The following COL22A1 variants were observed in gnomAD, a reference collection of about 807,000 sequenced individuals.
COL22A1 encodes collagen alpha-1(XXII) chain.
A neutral mutation model predicts 248.9 loss-of-function variants in COL22A1; 221 were observed. The ratio of observed to expected loss-of-function variants is 0.89; its 90% CI spans 0.80 to 0.99. The LOEUF (loss-of-function observed/expected upper bound fraction) is 0.99. Ranked by LOEUF, COL22A1 falls within the 50% of genes least tolerant of loss-of-function variation. COL22A1 has a pLI of 0.00. For missense variants in COL22A1, 2,240 were observed against 2,179.0 expected (o/e 1.03, Z -0.56); for synonymous variants, 891 against 793.4 (o/e 1.12, Z -2.07).
chr8:138,594,407 T>G (rs1303526511), intron 62 of COL22A1, among the ~76,000 whole-genome samples: 1 of 152,178 alleles, frequency 6.6e-6, no homozygotes, highest in Non-Finnish European at 1.5e-5. Flanking sequence ...ATGACACATG[T>G]GCAGCATTTG....
chr8:138,626,349 G>A, intron 50 of COL22A1, 106 bp from the exon 51 acceptor site: 2 of 914,626 alleles, frequency 2.2e-6, no homozygotes, highest in Admixed American at 4.2e-5. Flanking sequence ...GTGAGTGTTT[G>A]GTGAGAAACA....
At chr8:138,752,010 G>T (rs1832644713) in intron 21 of COL22A1, among the ~76,000 whole-genome samples, 1 of 152,156 alleles carries the variant, frequency 6.6e-6, no homozygotes, top group Non-Finnish European at 1.5e-5. Context: ...CGCAGGGAGG[G>T]GTCATACTGA....
intron 39 of COL22A1, 141 bp downstream of exon 39, chr8:138,684,284 A>T: frequency 1.4e-6 from 1 of 735,102 alleles, no homozygotes. Flanking sequence ...AAGTCCTAGA[A>T]CCTTTAGTCA....
At chr8:138,701,791 G>A (rs1445426052) in intron 31 of COL22A1, among the ~76,000 whole-genome samples, 1 of 152,234 alleles carries the variant, frequency 6.6e-6, no homozygotes, top group Non-Finnish European at 1.5e-5. Context: ...CGTCCACATA[G>A]GTGGCCTGGG....
intron 9 of COL22A1, among the ~76,000 whole-genome samples, chr8:138,810,994 C>G (rs966898398): frequency 2.6e-4 from 40 of 152,332 alleles, no homozygotes; most frequent in African/African-American, 9.6e-5. Context: ...GGGCCATTGG[C>G]TCAGCAGAAC....
intron 32 of COL22A1, among the ~76,000 whole-genome samples, chr8:138,696,504 T>C (rs902573474): frequency 2.2e-4 from 33 of 152,346 alleles, no homozygotes; most frequent in African/African-American, 7.9e-4. Context: ...AGACACTATC[T>C]ACTAAGGGTT....
At position 138,713,419 on chromosome 8, in the gene COL22A1, C is replaced by T. The variant is rs148122187; in HGVS notation, c.2517+2263G>A. Among the ~76,000 whole-genome samples, 249 of 152,252 alleles carry T rather than the reference C, an allele frequency of 1.6e-3. 2 individuals are homozygous for T. In the East Asian group the frequency reaches 0.025, roughly 15 times the overall value. ...TTATGAAGATCACCAGAGTGAGCAACGGAAAACTCAAGAAATTGCAACTTG... is the reference window on the plus strand; with the variant it reads ...TTATGAAGATCACCAGAGTGAGCAATGGAAAACTCAAGAAATTGCAACTTG... On this transcript the variant is annotated intron_variant, in intron 30 of 64. Transcript: ENST00000303045.
At chr8:138,904,625 C>CA (rs1371495068) in intron 1 of COL22A1, among the ~76,000 whole-genome samples, 1 of 152,048 alleles carries the variant, frequency 6.6e-6, no homozygotes, top group Non-Finnish European at 1.5e-5. Context: ...TCTCTCCCCC[C>CA]ACCAGTCCCC....
chr8:138,642,255 C>T (rs1821779231), intron 47 of COL22A1, among the ~76,000 whole-genome samples: 1 of 152,208 alleles, frequency 6.6e-6, no homozygotes, highest in African/African-American at 2.4e-5. Context: ...ATACCACCCA[C>T]TAGTTTTGTA....
intron 11 of COL22A1, 90 bp from the exon 12 acceptor site, chr8:138,796,947 G>A: frequency 1.1e-6 from 1 of 895,562 alleles, no homozygotes; most frequent in Non-Finnish European, 1.9e-6. Context: ...GATTTGAAAG[G>A]ATTAGATATT....
At chr8:138,812,755 G>T (rs192355352) in intron 8 of COL22A1, among the ~76,000 whole-genome samples, 184 bp downstream of exon 8, 193 of 152,202 alleles carry the variant, frequency 1.3e-3, no homozygotes, top group Non-Finnish European at 2.3e-3. Context: ...GACCACAGTA[G>T]CCCTGGAGGA....
At chr8:138,830,080 A>C (rs1819920335) in intron 5 of COL22A1, among the ~76,000 whole-genome samples, 1 of 152,246 alleles carries the variant, frequency 6.6e-6, no homozygotes, top group Non-Finnish European at 1.5e-5. Context: ...TAAAGAAAGG[A>C]AATAGCTGAA....
At chr8:138,647,923 C>G (rs1822354629) in intron 46 of COL22A1, among the ~76,000 whole-genome samples, 1 of 152,150 alleles carries the variant, frequency 6.6e-6, no homozygotes, top group East Asian at 1.9e-4. Context: ...TATCAAGAAT[C>G]TTTGAGGTTA....
intron 30 of COL22A1, among the ~76,000 whole-genome samples, chr8:138,707,709 C>T (rs1828591057): frequency 1.3e-5 from 2 of 152,258 alleles, no homozygotes; most frequent in South Asian, 4.2e-4. Flanking sequence ...GGAAGCACTC[C>T]CTTTGAAAAC....
chr8:138,805,203 T>C (rs1432006691), intron 10 of COL22A1, among the ~76,000 whole-genome samples: 3 of 144,628 alleles, frequency 2.1e-5, no homozygotes, highest in African/African-American at 7.8e-5. Flanking sequence ...ATTGGGTGTG[T>C]GATGGGGTGT....
intron 30 of COL22A1, among the ~76,000 whole-genome samples, chr8:138,703,998 G>T (rs1828189896): frequency 6.6e-6 from 1 of 152,212 alleles, no homozygotes; most frequent in African/African-American, 2.4e-5. Context: ...GGCTCAGAAG[G>T]TCCCACGTCC....
chr8:138,659,677 G>A (rs1439197513), intron 44 of COL22A1, among the ~76,000 whole-genome samples: 1 of 152,134 alleles, frequency 6.6e-6, no homozygotes, highest in East Asian at 1.9e-4. Flanking sequence ...AAACCATTGG[G>A]GCTTCTCTGG....
intron 22 of COL22A1, among the ~76,000 whole-genome samples, chr8:138,738,939 G>C (rs927058169): frequency 6.6e-6 from 1 of 152,028 alleles, no homozygotes; most frequent in African/African-American, 2.4e-5. Flanking sequence ...ATGGATTAAG[G>C]CTGTTCAAGT....
rs974644457 is a variant in COL22A1 at position 138,727,723 on chromosome 8, G to A, written c.2140-2283C>T. ...CCTAGTTTTCTCGGCAGCTCGCTCC[G>A]TCCTGGCAAGTCTTAGGGGTAGCAT... On this transcript the variant is annotated intron_variant, in intron 23 of 64. Transcript: ENST00000303045. Among the ~76,000 whole-genome samples, 10 of 152,278 alleles carry A rather than the reference G, an allele frequency of 6.6e-5. No individual in the cohort carries two copies. The South Asian group carries it at 8.3e-4, about 13-fold the overall frequency.
Sources: allele counts gnomAD v4.1 joint callset (sites outside exome capture counted in the v4.1 genomes callset), GRCh38; gene constraint gnomAD v4.1.1; transcripts MANE v1.5; gene names NCBI Gene and HGNC (gene_info 2026-07-23, HGNC 2026-07-21).